The following SGMS2 variants were observed in gnomAD, a reference collection of about 807,000 sequenced individuals.
The protein encoded by SGMS2 is phosphatidylcholine:ceramide cholinephosphotransferase 2.
In SGMS2, 21 loss-of-function variants were observed where a neutral mutation model predicts 43.8. The observed-to-expected ratio is 0.48, with a 90% CI of 0.34 to 0.69. The LOEUF (loss-of-function observed/expected upper bound fraction) is 0.69, where lower values mean the gene tolerates loss of function less well. Ranked by LOEUF, SGMS2 falls within the 30% of genes least tolerant of loss-of-function variation. The pLI is 0.01. For missense variants in SGMS2, 384 were observed against 443.2 expected, an observed-to-expected ratio of 0.87 and a Z score of 1.20; for synonymous variants, 167 against 160.6, an observed-to-expected ratio of 1.04 and a Z score of -0.30.
intron 1 of SGMS2, among the ~76,000 whole-genome samples, chr4:107,826,765 G>A (rs1725616676): frequency 6.6e-6 from 1 of 152,178 alleles, no homozygotes; most frequent in Non-Finnish European, 1.5e-5. Context: ...TGAGGTGGCT[G>A]CACCTTGTTC....
At chr4:107,825,706 C>G (rs539679269) in intron 1 of SGMS2, among the ~76,000 whole-genome samples, 24 of 150,492 alleles carry the variant, frequency 1.6e-4, no homozygotes, top group African/African-American at 5.2e-4. Flanking sequence ...ACACCGAAAC[C>G]CTTCAACGTG....
At position 107,853,983 on chromosome 4, in the gene SGMS2, C is replaced by T. The variant is rs895980649; in HGVS notation, c.-326-4489C>T. Reference sequence around the variant, plus strand: ...AATGCTACATTTAGTGTACGTGAACCGCAAGGGAATTAATCTATTTTCTAT... The same window carrying T: ...AATGCTACATTTAGTGTACGTGAACTGCAAGGGAATTAATCTATTTTCTAT... On this transcript the variant is annotated intron_variant, in intron 1 of 6. Transcript: ENST00000690982. Among the ~76,000 whole-genome samples the T allele has an allele frequency of 6.6e-5, 10 of 152,258 alleles. No individual in the cohort carries two copies. In the South Asian group the frequency reaches 1.7e-3, roughly 25 times the overall value.
At chr4:107,836,034 T>C (rs1024545328) in intron 1 of SGMS2, among the ~76,000 whole-genome samples, 1 of 152,262 alleles carries the variant, frequency 6.6e-6, no homozygotes, top group African/African-American at 2.4e-5. Flanking sequence ...TATAACATTT[T>C]ATTTAGCCTA....
At chr4:107,826,401 A>G (rs1725592621) in intron 1 of SGMS2, among the ~76,000 whole-genome samples, 1 of 152,256 alleles carries the variant, frequency 6.6e-6, no homozygotes, top group Non-Finnish European at 1.5e-5. Flanking sequence ...AAACATTTTT[A>G]GTACGGATAC....
chr4:107,827,188 A>G (rs1473474898), intron 1 of SGMS2, among the ~76,000 whole-genome samples: 1 of 152,244 alleles, frequency 6.6e-6, no homozygotes, highest in Non-Finnish European at 1.5e-5. Context: ...TTTAGACTAA[A>G]CAATGACTTA....
intron 3 of SGMS2, 132 bp from the exon 4 acceptor site, chr4:107,899,443 G>GA (rs1730938855): frequency 3.3e-6 from 2 of 613,822 alleles, no homozygotes; most frequent in South Asian, 4.8e-5. Context: ...TAAACTCTGT[G>GA]AAACTGTGGT....
chr4:107,873,758 G>A (rs937537970), intron 2 of SGMS2, among the ~76,000 whole-genome samples: 2 of 151,978 alleles, frequency 1.3e-5, no homozygotes, highest in Non-Finnish European at 2.9e-5. Flanking sequence ...TCAATATCAC[G>A]TTGCTGTGTA....
intron 2 of SGMS2, among the ~76,000 whole-genome samples, chr4:107,885,082 C>A (rs149654144): frequency 1.3e-5 from 2 of 152,100 alleles, no homozygotes; most frequent in Non-Finnish European, 2.9e-5. Context: ...ATATGCCAAG[C>A]CTTCTGAGTC....
intron 4 of SGMS2, among the ~76,000 whole-genome samples, chr4:107,902,266 G>T: frequency 7.7e-6 from 1 of 130,426 alleles, no homozygotes. Context: ...CTCCAGTCTG[G>T]GTGAAAGAGC....
At chr4:107,844,492 A>T (rs1281099592) in intron 1 of SGMS2, among the ~76,000 whole-genome samples, 1 of 152,166 alleles carries the variant, frequency 6.6e-6, no homozygotes, top group Non-Finnish European at 1.5e-5. Flanking sequence ...ACATGAGCCC[A>T]GGAATTTGAG....
chr4:107,911,268 A>C lies in SGMS2; in HGVS notation c.*715A>C, dbSNP rs972695674. ...ATGTGTGTAAATGTTTCACTTTAAA[A>C]TCTCTATGACAGATACACAGGAAAC... On this transcript the variant is annotated 3_prime_UTR_variant, in exon 7 of 7. Transcript: ENST00000690982. 1 of 152,208 alleles carries C rather than the reference A, an allele frequency of 6.6e-6. No individual in the cohort carries two copies. The highest frequency in any genetic ancestry group is 2.4e-5 in the African/African-American group (1 of 41,440). The allele number at this position is 152,208 out of a possible 1,614,324, so 9.4% of individuals were successfully genotyped here.
At chr4:107,866,626 T>C (rs1207923468) in intron 2 of SGMS2, among the ~76,000 whole-genome samples, 1 of 151,738 alleles carries the variant, frequency 6.6e-6, no homozygotes, top group Admixed American at 6.6e-5. Context: ...AATATTAATA[T>C]ATGATGGGAC....
chr4:107,866,261 A>G (rs1437052061), intron 2 of SGMS2, among the ~76,000 whole-genome samples: 1 of 152,150 alleles, frequency 6.6e-6, no homozygotes, highest in Non-Finnish European at 1.5e-5. Flanking sequence ...AAATAAAAAT[A>G]CCAAGTTAAA....
intron 2 of SGMS2, among the ~76,000 whole-genome samples, chr4:107,876,951 T>G (rs1355874548): frequency 6.6e-6 from 1 of 152,176 alleles, no homozygotes; most frequent in Non-Finnish European, 1.5e-5. Flanking sequence ...GACTAGCCAT[T>G]ATTCTTAGGA....
chr4:107,906,808 G>A (rs1292846789), intron 5 of SGMS2, among the ~76,000 whole-genome samples: 1 of 152,140 alleles, frequency 6.6e-6, no homozygotes, highest in African/African-American at 2.4e-5. Context: ...GGCCACCTCT[G>A]GACCTACTTC....
intron 4 of SGMS2, among the ~76,000 whole-genome samples, chr4:107,902,269 G>C (rs977799074): frequency 1.3e-4 from 17 of 126,706 alleles, no homozygotes; most frequent in African/African-American, 5.6e-4. Flanking sequence ...CAGTCTGGGT[G>C]AAAGAGCAAG....
Position 107,895,627 on chromosome 4 carries a change from C to G in SGMS2, c.74C>G (p.Ala25Gly). 6.2e-7 allele frequency: 1 copy of G among 1,614,006 alleles called. No homozygotes were observed. The highest frequency in any genetic ancestry group is 1.1e-5 in the South Asian group (1 of 91,070). ...NQPSDPTNTY[A>G]RPAEPVEEEN... ...CCCAGTGATCCTACGAACACTTATG[C>G]AAGACCCGCTGAACCTGTTGAAGAA... Residue 25 changes from alanine to glycine, a missense_variant, in exon 3 of 7, where the codon GCA becomes GGA. Physicochemically the swap from Ala to Gly is moderately conservative, Grantham distance 60. Coordinates refer to ENST00000690982, the MANE Select transcript of SGMS2 (RefSeq NM_001375905.1).
rs145444182 is a variant in SGMS2 at position 107,856,121 on chromosome 4, C to G, written c.-326-2351C>G. 5.2e-3 allele frequency among the ~76,000 whole-genome samples: 799 copies of G among 152,298 alleles called. 9 individuals carry two copies. The highest frequency in any genetic ancestry group is 0.018 in the African/African-American group (758 of 41,568). On this transcript the variant is annotated intron_variant, in intron 1 of 6. Coordinates refer to ENST00000690982, the MANE Select transcript of SGMS2 (RefSeq NM_001375905.1). ...CTACACCTTGTGATCAAGAAACCTT[C>G]TCTATATTTACCTGCCTCTGTGATT...
At chr4:107,850,499 C>CA (rs1727076974) in intron 1 of SGMS2, among the ~76,000 whole-genome samples, 1 of 152,144 alleles carries the variant, frequency 6.6e-6, no homozygotes. Context: ...GGGAAAACCT[C>CA]AGAGGTTCTC....
Sources: gnomAD v4.1 joint callset for allele counts (sites outside exome capture counted in the v4.1 genomes callset) on GRCh38, gnomAD v4.1.1 for gene constraint, MANE v1.5 for transcripts, NCBI Gene and HGNC (gene_info 2026-07-23, HGNC 2026-07-21) for gene names.